Variants in PPP1R14C observed in about 807,000 individuals in gnomAD.
PPP1R14C encodes protein phosphatase 1 regulatory subunit 14C.
Under a neutral mutation model 20.4 loss-of-function variants are expected in PPP1R14C, and 16 were observed. That is an observed-to-expected ratio of 0.78 (90% CI 0.53 to 1.19). The LOEUF is 1.19. PPP1R14C is among the 50% of genes most tolerant of loss of function. PPP1R14C has a pLI of 0.00. For synonymous variants in PPP1R14C, 91 were observed against 91.0 expected (o/e 1.00, Z 0.00); for missense variants, 211 against 220.1 (o/e 0.96, Z 0.26).
chr6:150,241,194 C>T (rs145155237), intron 3 of PPP1R14C, among the ~76,000 whole-genome samples: 106 of 152,274 alleles, frequency 7.0e-4, no homozygotes, highest in African/African-American at 2.5e-3. Flanking sequence ...ATAAAGCCCA[C>T]ATAAAAATCC....
rs370192992 is a variant in PPP1R14C, at chr6:150,182,229, C to T, written c.307-32515C>T. 1.1e-4 allele frequency among the ~76,000 whole-genome samples: 17 copies of T among 152,282 alleles called. No homozygotes were observed. The South Asian group carries it at 3.5e-3, about 32-fold the overall frequency. ...CCAGACCTGCCGGCTTTGAATCTGG[C>T]CTCCCTATTTCCAAGCTGTGTACCG... is the stretch of plus-strand genomic sequence containing the variant. On this transcript the variant is annotated intron_variant, in intron 1 of 3. Coordinates refer to ENST00000361131, the MANE Select transcript of PPP1R14C (RefSeq NM_030949.3).
intron 1 of PPP1R14C, among the ~76,000 whole-genome samples, chr6:150,181,813 T>A (rs2114879276): frequency 6.6e-6 from 1 of 152,380 alleles, no homozygotes; most frequent in East Asian, 1.9e-4. Flanking sequence ...TTTCATTAAA[T>A]GTGACTTGAT....
intron 3 of PPP1R14C, among the ~76,000 whole-genome samples, chr6:150,236,613 C>CTGTGTG (rs142109127): frequency 0.24 from 34,919 of 144,456 alleles, 4,205 homozygotes; most frequent in African/African-American, 0.29. Context: ...GTTGGTGCCA[C>CTGTGTG]TGTGTGTGTG....
intron 1 of PPP1R14C, among the ~76,000 whole-genome samples, chr6:150,184,997 G>A (rs972534547): frequency 2.0e-5 from 3 of 152,200 alleles, no homozygotes; most frequent in Non-Finnish European, 4.4e-5. Context: ...TGGTTGGGCA[G>A]CCAGGACCTT....
chr6:150,243,779 A>G (rs749785782), intron 3 of PPP1R14C, among the ~76,000 whole-genome samples: 1 of 152,192 alleles, frequency 6.6e-6, no homozygotes, highest in Non-Finnish European at 1.5e-5. Context: ...CCACATTTCT[A>G]CCAACAGGTG....
chr6:150,221,304 G>GA (rs1778164609), intron 3 of PPP1R14C, among the ~76,000 whole-genome samples: 1 of 152,222 alleles, frequency 6.6e-6, no homozygotes, highest in Non-Finnish European at 1.5e-5. Flanking sequence ...CAGTGAGCAA[G>GA]AGAGTCAGGA....
At chr6:150,173,711 A>C (rs1309920356) in intron 1 of PPP1R14C, among the ~76,000 whole-genome samples, 1 of 152,136 alleles carries the variant, frequency 6.6e-6, no homozygotes, top group African/African-American at 2.4e-5. Flanking sequence ...AGTCTTCAGA[A>C]TAATGCCGAT....
chr6:150,212,812 T>C (rs1778044020), intron 1 of PPP1R14C, among the ~76,000 whole-genome samples: 1 of 152,218 alleles, frequency 6.6e-6, no homozygotes, highest in African/African-American at 2.4e-5. Flanking sequence ...CATTATTCCG[T>C]ATGGTAATAT....
intron 1 of PPP1R14C, chr6:150,194,612 AT>A: frequency 1.0e-6 from 1 of 982,232 alleles, no homozygotes; most frequent in Non-Finnish European, 1.2e-6. Context: ...AATATTTTAC[AT>A]TTTATTAAAC....
intron 1 of PPP1R14C, among the ~76,000 whole-genome samples, chr6:150,199,761 C>T (rs1777853402): frequency 6.6e-6 from 1 of 151,800 alleles, no homozygotes; most frequent in African/African-American, 2.4e-5. Flanking sequence ...TCTAGCTCCT[C>T]AGTAGGTTGA....
At chr6:150,204,169 G>A (rs1378871633) in intron 1 of PPP1R14C, among the ~76,000 whole-genome samples, 2 of 152,204 alleles carry the variant, frequency 1.3e-5, no homozygotes, top group African/African-American at 4.8e-5. Context: ...CAGTGTCCTC[G>A]TTTATGCCAC....
At chr6:150,234,955 A>G (rs533562513) in intron 3 of PPP1R14C, among the ~76,000 whole-genome samples, 1 of 152,260 alleles carries the variant, frequency 6.6e-6, no homozygotes, top group South Asian at 2.1e-4. Context: ...AGCCAAGTAA[A>G]AAAGAATACA....
chr6:150,168,324 CAGG>C (rs1254155736), intron 1 of PPP1R14C, among the ~76,000 whole-genome samples: 2 of 151,724 alleles, frequency 1.3e-5, no homozygotes, highest in South Asian at 2.1e-4. Flanking sequence ...ATCACGAGCT[CAGG>C]AGATCGAGAC....
chr6:150,197,628 T>A (rs1268537835), intron 1 of PPP1R14C, among the ~76,000 whole-genome samples: 1 of 152,240 alleles, frequency 6.6e-6, no homozygotes, highest in Non-Finnish European at 1.5e-5. Flanking sequence ...GCACCTCCTG[T>A]TTTCCAATGT....
chr6:150,233,814 C>A (rs528513225), intron 3 of PPP1R14C, among the ~76,000 whole-genome samples: 29 of 152,286 alleles, frequency 1.9e-4, no homozygotes, highest in African/African-American at 6.5e-4. Context: ...TTCAGTGTGG[C>A]TAGTGGCTGG....
chr6:150,200,171 G>GATATATATATATAT (rs145406314), intron 1 of PPP1R14C, among the ~76,000 whole-genome samples: 1,552 of 147,950 alleles, frequency 0.01, 21 homozygotes, highest in East Asian at 0.044. Flanking sequence ...GCTTTTATAG[G>GATATATATATATAT]ATATATATAT....
chr6:150,205,741 G>C (rs1040665323), intron 1 of PPP1R14C, among the ~76,000 whole-genome samples: 1 of 149,462 alleles, frequency 6.7e-6, no homozygotes, highest in Admixed American at 6.7e-5. Flanking sequence ...GCAGTGAGCC[G>C]AGATAGCACC....
At chr6:150,203,873 C>T (rs1039855743) in intron 1 of PPP1R14C, among the ~76,000 whole-genome samples, 6 of 152,222 alleles carry the variant, frequency 3.9e-5, no homozygotes, top group Admixed American at 3.3e-4. Context: ...GCAAGCAAGA[C>T]GTAGACAGGT....
At chr6:150,174,744 C>T (rs1408293859) in intron 1 of PPP1R14C, among the ~76,000 whole-genome samples, 3 of 151,566 alleles carry the variant, frequency 2.0e-5, no homozygotes, top group Non-Finnish European at 4.4e-5. Flanking sequence ...GTGGACGGAT[C>T]ACAAGGTCAG....
Sources: allele counts gnomAD v4.1 joint callset (sites outside exome capture counted in the v4.1 genomes callset), GRCh38; gene constraint gnomAD v4.1.1; transcripts MANE v1.5; gene names NCBI Gene and HGNC (gene_info 2026-07-23, HGNC 2026-07-21).